PLCB4: variants seen among roughly 807,000 people sequenced by gnomAD.
PLCB4 encodes the protein 1-phosphatidylinositol 4,5-bisphosphate phosphodiesterase beta-4.
Under a neutral mutation model 178.8 loss-of-function variants are expected in PLCB4, and 77 were observed. That is an observed-to-expected ratio of 0.43 (90% CI 0.36 to 0.52). The LOEUF (loss-of-function observed/expected upper bound fraction) is 0.52, where lower values mean the gene tolerates loss of function less well. Ranked by LOEUF, PLCB4 falls within the 20% of genes least tolerant of loss-of-function variation. The pLI, the probability that PLCB4 is intolerant of heterozygous loss-of-function variation, is 0.00. For missense variants in PLCB4, 1,024 were observed against 1,453.4 expected (o/e 0.70, Z 4.80); for synonymous variants, 496 against 490.8 (o/e 1.01, Z -0.14).
chr20:9,353,620 C>T (rs1602050781), intron 7 of PLCB4, among the ~76,000 whole-genome samples: 1 of 152,198 alleles, frequency 6.6e-6, no homozygotes, highest in Non-Finnish European at 1.5e-5. Context: ...TTGTCAAGTC[C>T]TGCCTGTACC....
At chr20:9,072,123 G>A (rs570324856) in intron 1 of PLCB4, among the ~76,000 whole-genome samples, 25 of 152,334 alleles carry the variant, frequency 1.6e-4, no homozygotes, top group African/African-American at 6.0e-4. Flanking sequence ...TTATCTGCCT[G>A]TTGGGAAATA....
At chr20:9,265,255 GA>G (rs555430080) in intron 3 of PLCB4, among the ~76,000 whole-genome samples, 61 of 152,258 alleles carry the variant, frequency 4.0e-4, no homozygotes, top group Admixed American at 9.8e-4. Context: ...GCTCAAGGCA[GA>G]TGGATCACTT....
intron 8 of PLCB4, 108 bp from the exon 9 acceptor site, chr20:9,365,353 A>G (rs1333338874): frequency 1.0e-5 from 7 of 687,870 alleles, no homozygotes; most frequent in Non-Finnish European, 1.8e-5. Flanking sequence ...TCTGATTTTC[A>G]GAACCAATGT....
chr20:9,305,508 T>A (rs902855360), intron 3 of PLCB4, among the ~76,000 whole-genome samples: 1 of 152,106 alleles, frequency 6.6e-6, no homozygotes, highest in African/African-American at 2.4e-5. Context: ...AGGATTTGGG[T>A]TGGCTAATTT....
chr20:9,472,791 C>A lies in PLCB4; in HGVS notation c.3352C>A (p.Arg1118=). Reference sequence around the variant, plus strand: ...GTTATTTGTGCCCATTGCTTTTAGGCGAGTCAGGGAGTTAAACAGCAGCAA... The same window carrying A: ...GTTATTTGTGCCCATTGCTTTTAGGAGAGTCAGGGAGTTAAACAGCAGCAA... ...SIKNKAERER[R]VRELNSSNTK... is the part of the protein sequence containing the mutation. Residue 1118 remains arginine (R), a splice_region_variant and synonymous_variant, in exon 37 of 40, where the codon CGA becomes AGA. Coordinates refer to ENST00000378473, the MANE Select transcript of PLCB4 (RefSeq NM_001377142.1). 2 of 1,583,490 alleles carry A rather than the reference C, an allele frequency of 1.3e-6. No individual in the cohort carries two copies. Among genetic ancestry groups the A allele is most frequent in the Non-Finnish European group, 1.7e-6 (2 of 1,159,206 alleles).
intron 1 of PLCB4, among the ~76,000 whole-genome samples, chr20:9,089,499 A>G (rs56056087): frequency 2.0e-5 from 3 of 152,232 alleles, no homozygotes; most frequent in Non-Finnish European, 4.4e-5. Context: ...TTGTTTATTG[A>G]TACATTTTTT....
chr20:9,259,136 A>C (rs1160550976), intron 3 of PLCB4, among the ~76,000 whole-genome samples: 1 of 152,192 alleles, frequency 6.6e-6, no homozygotes, highest in Non-Finnish European at 1.5e-5. Context: ...AGTGTGATGA[A>C]ATGGAATGGT....
intron 4 of PLCB4, among the ~76,000 whole-genome samples, chr20:9,323,125 A>G (rs1330252050): frequency 1.3e-5 from 2 of 152,076 alleles, no homozygotes; most frequent in African/African-American, 4.8e-5. Flanking sequence ...ATGACCTACC[A>G]TTTCGCTGTC....
intron 2 of PLCB4, among the ~76,000 whole-genome samples, chr20:9,165,020 T>G (rs2147000358): frequency 6.6e-6 from 1 of 152,320 alleles, no homozygotes; most frequent in East Asian, 1.9e-4. Flanking sequence ...TTATGGTTAC[T>G]TCTAGCCTGC....
At chr20:9,338,831 G>A (rs910433980) in intron 6 of PLCB4, 63 bp from the exon 7 acceptor site, 18 of 1,287,972 alleles carry the variant, frequency 1.4e-5, no homozygotes, top group South Asian at 5.4e-5. Context: ...TTTTTACCAC[G>A]TTTCTTCCTC....
chr20:9,419,916 C>T lies in PLCB4; in HGVS notation c.2154+7C>T. 1 of 1,547,582 alleles carries T rather than the reference C, an allele frequency of 6.5e-7. No individual in the cohort carries two copies. Among genetic ancestry groups the T allele is most frequent in the Non-Finnish European group, 8.9e-7 (1 of 1,119,230 alleles). On this transcript the variant is annotated splice_region_variant and intron_variant, in intron 26 of 39. Coordinates refer to ENST00000378473, the MANE Select transcript of PLCB4 (RefSeq NM_001377142.1). ...AGCCACTTGCTCAGTGCAGGTAAGG[C>T]CCCTGCTCATCACAAGGTAGTATAA...
intron 19 of PLCB4, among the ~76,000 whole-genome samples, chr20:9,400,476 A>G (rs1436428786): frequency 6.6e-6 from 1 of 152,038 alleles, no homozygotes; most frequent in Non-Finnish European, 1.5e-5. Flanking sequence ...ACATGCTTTA[A>G]AAAAATCTAT....
intron 21 of PLCB4, among the ~76,000 whole-genome samples, chr20:9,407,403 T>C (rs375215158): frequency 2.6e-5 from 4 of 151,154 alleles, no homozygotes; most frequent in African/African-American, 9.8e-5. Flanking sequence ...GGAGTCTTGC[T>C]CTGTTGCCTG....
At chr20:9,354,347 A>G (rs2034598145) in intron 7 of PLCB4, among the ~76,000 whole-genome samples, 1 of 152,214 alleles carries the variant, frequency 6.6e-6, no homozygotes, top group Admixed American at 6.5e-5. Flanking sequence ...AATTAATTCA[A>G]AATAAAATAA....
intron 2 of PLCB4, among the ~76,000 whole-genome samples, chr20:9,119,830 T>C (rs796883044): frequency 6.6e-5 from 10 of 152,352 alleles, no homozygotes; most frequent in African/African-American, 2.4e-4. Context: ...GCCACCTTAC[T>C]AATTTTAAAA....
rs1275718793 is a variant in PLCB4 at position 9,459,805 on chromosome 20, T to C, written c.3243T>C (p.His1081=). The change falls in exon 35 of 40, where the codon CAT becomes CAC. Residue 1081 remains histidine, a synonymous_variant. Coordinates refer to ENST00000378473, the MANE Select transcript of PLCB4 (RefSeq NM_001377142.1). The stretch of plus-strand genomic sequence containing the variant: ...AAACCCAGCAGCTGAAACTGTCCCA[T>C]GACAGGTGGGGGAATTGCCGTCTCC... ...EQQTQQLKLS[H]DRESKEMRAH... The C allele has an allele frequency of 6.3e-7, 1 of 1,598,694 alleles. No homozygotes were observed. The highest frequency in any genetic ancestry group is 8.6e-7 in the Non-Finnish European group (1 of 1,167,484).
chr20:9,090,178 A>C (rs1005012621), intron 1 of PLCB4, among the ~76,000 whole-genome samples: 2 of 151,656 alleles, frequency 1.3e-5, no homozygotes, highest in African/African-American at 4.8e-5. Flanking sequence ...ACTGTATAGG[A>C]GAAAAACTGT....
At chr20:9,147,526 G>C (rs371914656) in intron 2 of PLCB4, among the ~76,000 whole-genome samples, 12 of 152,052 alleles carry the variant, frequency 7.9e-5, no homozygotes, top group African/African-American at 2.9e-4. Context: ...GCTCAGCTAT[G>C]GGTTGGGCAG....
chr20:9,280,213 C>T (rs1028330808), intron 3 of PLCB4, among the ~76,000 whole-genome samples: 2 of 151,966 alleles, frequency 1.3e-5, no homozygotes, highest in African/African-American at 2.4e-5. Context: ...TAGGTCATAT[C>T]CCCTGAGAAG....
Sources: allele counts gnomAD v4.1 joint callset (sites outside exome capture counted in the v4.1 genomes callset), GRCh38; gene constraint gnomAD v4.1.1; transcripts MANE v1.5; gene names NCBI Gene and HGNC (gene_info 2026-07-23, HGNC 2026-07-21).